The following CEP128 variants were observed in gnomAD, a reference collection of about 807,000 sequenced individuals.
The protein encoded by CEP128 is centrosomal protein 128kDa.
A neutral mutation model predicts 156.7 loss-of-function variants in CEP128; 132 were observed. That is an observed-to-expected ratio of 0.84 (90% CI 0.73 to 0.97). The LOEUF is 0.97. CEP128 is among the 50% of genes least tolerant of loss of function. The probability of loss-of-function intolerance (pLI) is 0.00; values close to 1 mark genes in which losing one functional copy is unlikely to be tolerated. For missense variants in CEP128, 1,252 were observed against 1,281.9 expected, an observed-to-expected ratio of 0.98 and a Z score of 0.36; for synonymous variants, 469 against 448.9, an observed-to-expected ratio of 1.04 and a Z score of -0.57.
At position 80,690,031 on chromosome 14, in the gene CEP128, C is replaced by T. The variant is rs1181845830; in HGVS notation, c.2806+53044G>A. On this transcript the variant is annotated intron_variant, in intron 19 of 24. Coordinates refer to ENST00000555265, the MANE Select transcript of CEP128 (RefSeq NM_152446.5). The stretch of plus-strand genomic sequence containing the variant: ...GGCAATCTTGAAAATATCAACCATC[C>T]ATCCTGTTCTAACCCCTTCCACTTG... Among the ~76,000 whole-genome samples the T allele has an allele frequency of 3.3e-5, 5 of 152,084 alleles. No homozygotes were observed. The South Asian group carries it at 6.2e-4, about 19-fold the overall frequency.
chr14:80,530,446 A>C (rs1889173112), intron 22 of CEP128, among the ~76,000 whole-genome samples: 1 of 152,258 alleles, frequency 6.6e-6, no homozygotes, highest in Non-Finnish European at 1.5e-5. Flanking sequence ...TAAAACAAAC[A>C]GTACCCAAAT....
intron 19 of CEP128, among the ~76,000 whole-genome samples, chr14:80,729,052 GGTGGGGGTGTGTGTGTGTGTGT>G (rs1898131372): frequency 3.2e-5 from 3 of 94,688 alleles, no homozygotes; most frequent in African/African-American, 1.1e-4. Flanking sequence ...AGGCTGGGCT[GGTGGGGGTGTGTGTGTGTGTGT>G]GTGTGTGTGT....
intron 21 of CEP128, among the ~76,000 whole-genome samples, chr14:80,558,235 T>C (rs1051747161): frequency 4.6e-5 from 7 of 152,136 alleles, no homozygotes; most frequent in African/African-American, 1.7e-4. Flanking sequence ...CTGTGGCATG[T>C]TGGGTGAAAA....
intron 23 of CEP128, among the ~76,000 whole-genome samples, chr14:80,517,222 T>C (rs2140236016): frequency 6.6e-6 from 1 of 152,220 alleles, no homozygotes. Context: ...ATTTTTTAAA[T>C]TTCATTGATC....
chr14:80,499,118 C>A (rs1444630909), intron 24 of CEP128, among the ~76,000 whole-genome samples: 1 of 152,158 alleles, frequency 6.6e-6, no homozygotes, highest in African/African-American at 2.4e-5. Flanking sequence ...CTTTAATGGA[C>A]AAGAAACAAT....
At chr14:80,748,052 A>G (rs1899196643) in intron 18 of CEP128, among the ~76,000 whole-genome samples, 5 of 152,218 alleles carry the variant, frequency 3.3e-5, no homozygotes, top group African/African-American at 1.2e-4. Flanking sequence ...TGTTAGTTAA[A>G]CGGTAGAGAG....
chr14:80,678,049 A>AAAAATATATATATAT lies in CEP128; in HGVS notation c.2806+65025_2806+65026insATATATATATATTTT. On this transcript the variant is annotated intron_variant, in intron 19 of 24. Transcript: ENST00000555265. ...ATGGACAGTTGCTCTATAAAAAAAA[A>AAAAATATATATATAT]ATATATATATATATGTATATATATA... Among the ~76,000 whole-genome samples, 43 of 98,492 alleles carry AAAAATATATATATAT rather than the reference A, an allele frequency of 4.4e-4. 2 individuals carry two copies. Among genetic ancestry groups the AAAAATATATATATAT allele is most frequent in the Middle Eastern group, 5.3e-3 (1 of 190 alleles). 64.6% of individuals were successfully genotyped at this position (98,492 alleles called of 152,430 possible).
chr14:80,932,605 C>T (rs1264333830), intron 2 of CEP128, among the ~76,000 whole-genome samples: 1 of 152,148 alleles, frequency 6.6e-6, no homozygotes, highest in East Asian at 1.9e-4. Flanking sequence ...AAGCAACACA[C>T]TTTGGGTGTC....
At chr14:80,798,072 A>G (rs1883597551) in intron 13 of CEP128, among the ~76,000 whole-genome samples, 1 of 152,224 alleles carries the variant, frequency 6.6e-6, no homozygotes, top group Admixed American at 6.5e-5. Flanking sequence ...GCAGTGTCAA[A>G]AAAAGGAACA....
chr14:80,667,675 G>A (rs1196202357), intron 19 of CEP128, among the ~76,000 whole-genome samples: 4 of 151,912 alleles, frequency 2.6e-5, no homozygotes, highest in Non-Finnish European at 4.4e-5. Flanking sequence ...TGGCTAACAC[G>A]GTGAAACCCC....
intron 2 of CEP128, among the ~76,000 whole-genome samples, chr14:80,953,963 A>G (rs7154269): frequency 0.51 from 77,329 of 152,014 alleles, 21,524 homozygotes; most frequent in African/African-American, 0.74. Context: ...ATACCATGGT[A>G]ATTTTTAAAA....
At chr14:80,922,822 A>G (rs983604806) in intron 2 of CEP128, among the ~76,000 whole-genome samples, 1 of 152,258 alleles carries the variant, frequency 6.6e-6, no homozygotes, top group African/African-American at 2.4e-5. Context: ...CTAAATTTGA[A>G]GAATGACCAA....
At chr14:80,555,893 C>T (rs1385646337) in intron 21 of CEP128, among the ~76,000 whole-genome samples, 1 of 151,362 alleles carries the variant, frequency 6.6e-6, no homozygotes, top group Admixed American at 6.6e-5. Flanking sequence ...CATTCATGGA[C>T]TGTATTTTTT....
intron 16 of CEP128, among the ~76,000 whole-genome samples, chr14:80,767,315 C>G (rs190904300): frequency 2.0e-5 from 3 of 152,016 alleles, no homozygotes; most frequent in Admixed American, 2.0e-4. Flanking sequence ...AAAAATAACA[C>G]ATCAAGTGCT....
intron 2 of CEP128, among the ~76,000 whole-genome samples, chr14:80,948,718 G>A (rs532964153): frequency 1.1e-4 from 16 of 152,318 alleles, no homozygotes; most frequent in South Asian, 2.1e-4. Flanking sequence ...GATTCTGTGC[G>A]TGTGTTTAAG....
intron 19 of CEP128, among the ~76,000 whole-genome samples, chr14:80,625,193 C>T (rs1893658978): frequency 6.6e-6 from 1 of 152,158 alleles, no homozygotes; most frequent in Admixed American, 6.5e-5. Context: ...TTTGTTAACA[C>T]TTTATTAACG....
chr14:80,666,385 G>A (rs1420223445), intron 19 of CEP128, among the ~76,000 whole-genome samples: 1 of 152,156 alleles, frequency 6.6e-6, no homozygotes, highest in East Asian at 1.9e-4. Context: ...AATAAGGCAG[G>A]CCTTCCTAAT....
chr14:80,673,276 T>C (rs2140936587), intron 19 of CEP128, among the ~76,000 whole-genome samples: 1 of 152,330 alleles, frequency 6.6e-6, no homozygotes, highest in East Asian at 1.9e-4. Context: ...ACAGTATTTA[T>C]TAAAAGAAAT....
intron 18 of CEP128, among the ~76,000 whole-genome samples, chr14:80,754,933 C>T (rs2139656119): frequency 6.6e-6 from 1 of 152,286 alleles, no homozygotes; most frequent in South Asian, 2.1e-4. Context: ...TCCTTAATGA[C>T]CATGTGATGG....
Sources: allele counts gnomAD v4.1 joint callset (sites outside exome capture counted in the v4.1 genomes callset), GRCh38; gene constraint gnomAD v4.1.1; transcripts MANE v1.5; gene names NCBI Gene and HGNC (gene_info 2026-07-23, HGNC 2026-07-21).